The following SLC16A7 variants were observed in gnomAD, a reference collection of about 807,000 sequenced individuals.
SLC16A7 encodes monocarboxylate transporter 2.
A neutral mutation model predicts 34.9 loss-of-function variants in SLC16A7; 33 were observed. The ratio of observed to expected loss-of-function variants is 0.94; its 90% CI spans 0.72 to 1.26. SLC16A7 has a LOEUF of 1.26. SLC16A7 is among the 50% of genes most tolerant of loss of function. The pLI, the probability that SLC16A7 is intolerant of heterozygous loss-of-function variation, is 0.00. For synonymous variants in SLC16A7, 201 were observed against 206.6 expected (o/e 0.97, Z 0.23); for missense variants, 573 against 578.1 (o/e 0.99, Z 0.09).
chr12:59,687,453 C>G (rs754641001), intron 2 of SLC16A7, among the ~76,000 whole-genome samples: 3 of 152,012 alleles, frequency 2.0e-5, no homozygotes, highest in Non-Finnish European at 2.9e-5. Flanking sequence ...AAAGTTTTAC[C>G]AAATATTTTG....
At chr12:59,741,496 C>G (rs1878338275) in intron 3 of SLC16A7, among the ~76,000 whole-genome samples, 1 of 152,028 alleles carries the variant, frequency 6.6e-6, no homozygotes, top group Non-Finnish European at 1.5e-5. Context: ...AAAAATAGGG[C>G]AAAAAATCCA....
At chr12:59,672,915 C>G (rs1203113647) in intron 2 of SLC16A7, among the ~76,000 whole-genome samples, 2 of 152,106 alleles carry the variant, frequency 1.3e-5, no homozygotes, top group Admixed American at 6.6e-5. Flanking sequence ...ATCTCTCTTT[C>G]AAGATAGTTC....
At chr12:59,672,457 C>T (rs887372432) in intron 2 of SLC16A7, among the ~76,000 whole-genome samples, 2 of 151,668 alleles carry the variant, frequency 1.3e-5, no homozygotes, top group South Asian at 2.1e-4. Flanking sequence ...GTACTTAGAG[C>T]CCCCTCTACC....
intron 1 of SLC16A7, among the ~76,000 whole-genome samples, chr12:59,619,782 G>A (rs1879615567): frequency 6.6e-6 from 1 of 152,046 alleles, no homozygotes; most frequent in Non-Finnish European, 1.5e-5. Context: ...TGGGACATAT[G>A]TTCTAAATAA....
intron 2 of SLC16A7, among the ~76,000 whole-genome samples, chr12:59,679,682 G>A (rs1870595580): frequency 6.6e-6 from 1 of 152,046 alleles, no homozygotes; most frequent in Admixed American, 6.6e-5. Flanking sequence ...TATATCTTAT[G>A]TCTTAGTCAT....
intron 1 of SLC16A7, among the ~76,000 whole-genome samples, chr12:59,597,856 A>T (rs1044374400): frequency 3.9e-5 from 6 of 152,208 alleles, no homozygotes; most frequent in Admixed American, 6.5e-5. Flanking sequence ...TTGCAGTTAC[A>T]TATTACTTTT....
At chr12:59,674,776 A>G (rs1025210148) in intron 2 of SLC16A7, among the ~76,000 whole-genome samples, 1 of 152,208 alleles carries the variant, frequency 6.6e-6, no homozygotes, top group African/African-American at 2.4e-5. Flanking sequence ...TGGGAACTGG[A>G]GTGAAAACCA....
At chr12:59,623,484 C>G (rs1879790162) in intron 1 of SLC16A7, among the ~76,000 whole-genome samples, 3 of 151,476 alleles carry the variant, frequency 2.0e-5, no homozygotes, top group South Asian at 4.2e-4. Flanking sequence ...GTTATTTTAT[C>G]TATATAAATT....
chr12:59,735,333 A>G (rs1592603216), intron 3 of SLC16A7, among the ~76,000 whole-genome samples: 2 of 152,284 alleles, frequency 1.3e-5, no homozygotes, highest in Middle Eastern at 6.8e-3. Context: ...CTGACTGAAG[A>G]ATATCAATAT....
chr12:59,707,177 C>A (rs533672216), intron 3 of SLC16A7, among the ~76,000 whole-genome samples: 1 of 152,162 alleles, frequency 6.6e-6, no homozygotes, highest in African/African-American at 2.4e-5. Flanking sequence ...TGTACATATT[C>A]TATTGATCAG....
At chr12:59,619,892 G>A (rs1592398258) in intron 1 of SLC16A7, among the ~76,000 whole-genome samples, 1 of 151,842 alleles carries the variant, frequency 6.6e-6, no homozygotes, top group East Asian at 1.9e-4. Flanking sequence ...CCTGAGATAG[G>A]GACCATTATT....
chr12:59,764,706 C>T (rs1407201418), intron 3 of SLC16A7, among the ~76,000 whole-genome samples: 1 of 152,076 alleles, frequency 6.6e-6, no homozygotes, highest in East Asian at 1.9e-4. Context: ...TGTATATGTG[C>T]CATATTTTCT....
chr12:59,610,054 AC>A (rs1879125312), intron 1 of SLC16A7, among the ~76,000 whole-genome samples: 1 of 152,208 alleles, frequency 6.6e-6, no homozygotes, highest in African/African-American at 2.4e-5. Flanking sequence ...TGGTTAGGAA[AC>A]AAAGGTTTAT....
In SLC16A7 at chr12:59,789,626, A is replaced by G. The variant is rs1883855723; in HGVS notation, c.*9947A>G. On this transcript the variant is annotated 3_prime_UTR_variant, in exon 6 of 6. Coordinates refer to ENST00000547379, the MANE Select transcript of SLC16A7 (RefSeq NM_001270623.2). ...GTGGGAAGGTTGCAATAAAATCAGA[A>G]TCTCTCTTGTCTGAATTATGCAGTT... The G allele has an allele frequency of 6.6e-6, 1 of 152,026 alleles. No homozygotes were observed. Among genetic ancestry groups the G allele is most frequent in the Non-Finnish European group, 1.5e-5 (1 of 67,990 alleles). 9.4% of individuals were successfully genotyped at this position (152,026 alleles called of 1,614,324 possible). A position where few individuals can be genotyped will look rare whatever the true frequency, so the allele number is the denominator to read the frequency against.
At position 59,596,544 on chromosome 12, in the gene SLC16A7, G is replaced by T. The variant is rs1009284827; in HGVS notation, c.-130+308G>T. ...GCGCCTCGCGTGCTTTCGGCCAGGA[G>T]GTGCTCACGCTCTCGGCTTTTACAC... On this transcript the variant is annotated intron_variant, in intron 1 of 5. Coordinates refer to ENST00000547379, the MANE Select transcript of SLC16A7 (RefSeq NM_001270623.2). The surrounding 1 kb of genome is among the most constrained non-coding windows in gnomAD (Gnocchi z 5.0). Among the ~76,000 whole-genome samples the T allele has an allele frequency of 2.6e-4, 40 of 152,242 alleles. No homozygotes were observed. Among genetic ancestry groups the T allele is most frequent in the African/African-American group, 9.1e-4 (38 of 41,544 alleles).
intron 2 of SLC16A7, among the ~76,000 whole-genome samples, chr12:59,685,168 A>G (rs1193924770): frequency 6.6e-6 from 1 of 152,208 alleles, no homozygotes; most frequent in Non-Finnish European, 1.5e-5. Flanking sequence ...CAGCTCCTAT[A>G]GCTTTCATTT....
At chr12:59,767,208 G>T (rs184886020) in intron 3 of SLC16A7, among the ~76,000 whole-genome samples, 2 of 151,344 alleles carry the variant, frequency 1.3e-5, no homozygotes, top group East Asian at 2.0e-4. Flanking sequence ...TGATTCATGA[G>T]GTTTAAGGAA....
chr12:59,721,874 T>C (rs551467642), intron 3 of SLC16A7, among the ~76,000 whole-genome samples: 3 of 152,128 alleles, frequency 2.0e-5, no homozygotes, highest in Non-Finnish European at 4.4e-5. Flanking sequence ...ATATTTTCTT[T>C]TGATGCCATT....
chr12:59,632,924 G>A (rs189534361), intron 1 of SLC16A7, among the ~76,000 whole-genome samples: 40 of 151,996 alleles, frequency 2.6e-4, no homozygotes, highest in African/African-American at 9.2e-4. Context: ...TGAATTAATG[G>A]GCTGATGAGT....
Sources: gnomAD v4.1 joint callset for allele counts (sites outside exome capture counted in the v4.1 genomes callset) on GRCh38, gnomAD v4.1.1 for gene constraint, Gnocchi (gnomAD v3.1) non-coding constraint, MANE v1.5 for transcripts, NCBI Gene and HGNC (gene_info 2026-07-23, HGNC 2026-07-21) for gene names.